TMEM132D: variants seen among roughly 807,000 people sequenced by gnomAD.
The protein encoded by TMEM132D is transmembrane protein 132D.
TMEM132D carries 21 observed loss-of-function variants against 62.3 expected under a neutral mutation model. The ratio of observed to expected loss-of-function variants is 0.34; its 90% CI spans 0.24 to 0.49. The LOEUF is 0.49. TMEM132D is among the 20% of genes least tolerant of loss of function. TMEM132D has a pLI of 0.99. For synonymous variants in TMEM132D, 621 were observed against 575.6 expected, an observed-to-expected ratio of 1.08 and a Z score of -1.13; for missense variants, 1,346 against 1,402.8, an observed-to-expected ratio of 0.96 and a Z score of 0.65.
chr12:129,218,966 C>A (rs1181908052), intron 4 of TMEM132D, among the ~76,000 whole-genome samples: 4 of 152,172 alleles, frequency 2.6e-5, no homozygotes, highest in African/African-American at 4.8e-5. Context: ...TGACTAAAGG[C>A]TAGAAGCCTG....
At chr12:129,334,160 A>T (rs555763217) in intron 4 of TMEM132D, among the ~76,000 whole-genome samples, 3 of 152,292 alleles carry the variant, frequency 2.0e-5, no homozygotes, top group African/African-American at 7.2e-5. Context: ...ATTTTTAAAT[A>T]ATGTTTGCCT....
At position 129,699,695 on chromosome 12, in the gene TMEM132D, G is replaced by A. The variant is rs998457424; in HGVS notation, c.968+115C>T. 12 of 1,332,096 alleles carry A rather than the reference G, an allele frequency of 9.0e-6. No individual in the cohort carries two copies. In the African/African-American group the frequency reaches 1.2e-4, roughly 13 times the overall value. The allele number at this position is 1,332,096 out of a possible 1,614,324, so 82.5% of individuals were successfully genotyped here. ...CGGTGCAGATGGAGTTTGTAAGAACGGGAAGGCCGGCTCTACTTCGGTGAG... is the reference window on the plus strand; with the variant it reads ...CGGTGCAGATGGAGTTTGTAAGAACAGGAAGGCCGGCTCTACTTCGGTGAG... On this transcript the variant is annotated intron_variant, in intron 2 of 8. Transcript: ENST00000422113.
At chr12:129,151,597 T>G (rs975950775) in intron 5 of TMEM132D, among the ~76,000 whole-genome samples, 6 of 152,176 alleles carry the variant, frequency 3.9e-5, no homozygotes, top group Admixed American at 2.6e-4. Context: ...TATGGAATAT[T>G]TCTCTACTAA....
At chr12:129,462,361 G>A (rs1458209780) in intron 3 of TMEM132D, among the ~76,000 whole-genome samples, 2 of 152,114 alleles carry the variant, frequency 1.3e-5, no homozygotes, top group Non-Finnish European at 2.9e-5. Flanking sequence ...ACGCTCAAAG[G>A]TATCCTGAAG....
chr12:129,451,000 G>A (rs1873266507), intron 3 of TMEM132D, among the ~76,000 whole-genome samples: 1 of 151,978 alleles, frequency 6.6e-6, no homozygotes, highest in Non-Finnish European at 1.5e-5. Context: ...CTGACCTCGT[G>A]ATCCACCCTC....
chr12:129,608,291 G>A (rs1024542023), intron 2 of TMEM132D, among the ~76,000 whole-genome samples: 2 of 152,204 alleles, frequency 1.3e-5, no homozygotes, highest in Admixed American at 1.3e-4. Flanking sequence ...GGAGTGAGCT[G>A]TGATGCCCAG....
At chr12:129,458,575 C>G (rs537742913) in intron 3 of TMEM132D, among the ~76,000 whole-genome samples, 1 of 152,096 alleles carries the variant, frequency 6.6e-6, no homozygotes, top group African/African-American at 2.4e-5. Flanking sequence ...GGGCATCACA[C>G]AGAGAGAGAA....
At chr12:129,493,859 C>T (rs1276862801) in intron 3 of TMEM132D, among the ~76,000 whole-genome samples, 1 of 152,188 alleles carries the variant, frequency 6.6e-6, no homozygotes, top group Admixed American at 6.5e-5. Flanking sequence ...TAAATAATCC[C>T]AATTCTCCAC....
At chr12:129,735,695 T>C (rs1317783240) in intron 1 of TMEM132D, among the ~76,000 whole-genome samples, 5 of 152,186 alleles carry the variant, frequency 3.3e-5, no homozygotes, top group Non-Finnish European at 5.9e-5. Context: ...AGCCATCACT[T>C]GTATAAACTT....
intron 3 of TMEM132D, among the ~76,000 whole-genome samples, chr12:129,489,337 C>T (rs1489055548): frequency 1.3e-5 from 2 of 152,142 alleles, no homozygotes; most frequent in African/African-American, 4.8e-5. Flanking sequence ...CTCAAAGAAT[C>T]TATGGGGTCT....
At chr12:129,098,274 G>A (rs1875178469) in intron 5 of TMEM132D, among the ~76,000 whole-genome samples, 1 of 152,228 alleles carries the variant, frequency 6.6e-6, no homozygotes, top group South Asian at 2.1e-4. Context: ...GTTGACAAAG[G>A]AGTAAAGGCA....
chr12:129,543,886 G>A (rs1305726274), intron 2 of TMEM132D, among the ~76,000 whole-genome samples: 1 of 152,092 alleles, frequency 6.6e-6, no homozygotes, highest in Non-Finnish European at 1.5e-5. Flanking sequence ...CTTGACTGGT[G>A]CCCCCTCGAT....
Position 129,081,902 on chromosome 12 carries a change from G to C in TMEM132D, c.1780C>G (p.Leu594Val), listed in dbSNP as rs776158950. The change falls in exon 7 of 9, where the codon CTG becomes GTG. Residue 594 changes from leucine to valine, a missense_variant. By Grantham distance (32) the Leu-to-Val change is conservative. Coordinates refer to ENST00000422113, the MANE Select transcript of TMEM132D (RefSeq NM_133448.3). ...CAGTCTGAGCCCAGCAGGTGGGCCAGGTGTCCCCCAGGGCCGGCCGCCTCA... is the reference window on the plus strand; with the variant it reads ...CAGTCTGAGCCCAGCAGGTGGGCCACGTGTCCCCCAGGGCCGGCCGCCTCA... ...VAEAAGPGGHLAHLLGSDWQV... is the reference protein window; with the variant it reads ...VAEAAGPGGHVAHLLGSDWQV... 6.2e-7 allele frequency: 1 copy of C among 1,614,106 alleles called. No individual in the cohort carries two copies. The highest frequency in any genetic ancestry group is 1.7e-5 in the Admixed American group (1 of 60,020).
chr12:129,620,054 C>T (rs1879023572), intron 2 of TMEM132D, among the ~76,000 whole-genome samples: 2 of 152,170 alleles, frequency 1.3e-5, no homozygotes, highest in African/African-American at 4.8e-5. Flanking sequence ...TAAACCTGCT[C>T]ATCCTCCAAG....
intron 2 of TMEM132D, among the ~76,000 whole-genome samples, chr12:129,587,960 G>T (rs965550218): frequency 7.9e-5 from 12 of 152,172 alleles, no homozygotes; most frequent in African/African-American, 2.7e-4. Context: ...TCCTGGTGCA[G>T]ACAGACCTGA....
intron 4 of TMEM132D, among the ~76,000 whole-genome samples, chr12:129,281,958 G>A (rs1437482688): frequency 3.9e-5 from 6 of 152,176 alleles, no homozygotes; most frequent in Non-Finnish European, 7.3e-5. Flanking sequence ...GGGGTTGGTG[G>A]AGGGTAGACC....
chr12:129,345,793 G>C (rs1869663392), intron 3 of TMEM132D, among the ~76,000 whole-genome samples: 1 of 152,190 alleles, frequency 6.6e-6, no homozygotes. Flanking sequence ...AAGCCAACTT[G>C]ATTGTGGTGG....
intron 2 of TMEM132D, among the ~76,000 whole-genome samples, chr12:129,588,891 T>A (rs373989875): frequency 1.8e-4 from 27 of 152,056 alleles, no homozygotes; most frequent in African/African-American, 6.3e-4. Flanking sequence ...AGCAACAAAA[T>A]TACTCATTGG....
intron 5 of TMEM132D, among the ~76,000 whole-genome samples, chr12:129,136,886 A>T (rs1215059542): frequency 6.6e-6 from 1 of 151,418 alleles, no homozygotes; most frequent in Non-Finnish European, 1.5e-5. Context: ...TACTATCATC[A>T]TCACCACCAT....
Sources: gnomAD v4.1 joint callset for allele counts (sites outside exome capture counted in the v4.1 genomes callset) on GRCh38, gnomAD v4.1.1 for gene constraint, MANE v1.5 for transcripts, NCBI Gene and HGNC (gene_info 2026-07-23, HGNC 2026-07-21) for gene names.